The following HTR2C variants were observed in gnomAD, a reference collection of about 807,000 sequenced individuals.
HTR2C encodes 5-hydroxytryptamine (serotonin) receptor 2C, G protein-coupled.
HTR2C carries 5 observed loss-of-function variants against 21.0 expected under a neutral mutation model. The ratio of observed to expected loss-of-function variants is 0.24; its 90% CI spans 0.12 to 0.50. The LOEUF is 0.50. Among genes scored for constraint, HTR2C ranks in the 20% least tolerant of loss-of-function variants. HTR2C has a pLI of 0.98. For synonymous variants in HTR2C, 150 were observed against 145.3 expected (o/e 1.03, Z -0.23); for missense variants, 271 against 371.2 (o/e 0.73, Z 2.22).
intron 5 of HTR2C, among the ~76,000 whole-genome samples, chrX:114,901,102 C>A (rs1556485161): frequency 8.9e-6 from 1 of 111,970 alleles, no homozygotes; most frequent in Non-Finnish European, 1.9e-5. Context: ...AGTTTCTGGC[C>A]AACAATGATT....
rs189398675 is a variant in HTR2C, at chrX:114,597,547, G to A, written c.-147+12888G>A. Among the ~76,000 whole-genome samples the A allele has an allele frequency of 3.6e-5, 4 of 111,954 alleles. No homozygotes were observed. In the East Asian group the frequency reaches 8.5e-4, roughly 24 times the overall value. On this transcript the variant is annotated intron_variant, in intron 1 of 5. Transcript: ENST00000276198. ...TGAATTGGAGCTTGAGGACAAGTAG[G>A]GTTTGAATTGACACAGAAGGACAAT...
chrX:114,589,602 G>T, intron 1 of HTR2C: 1 of 168,464 alleles, frequency 5.9e-6, no homozygotes, highest in South Asian at 1.3e-4. Flanking sequence ...TTTCCGTACC[G>T]ATAGTGCTCC....
chrX:114,611,329 A>G lies in HTR2C; in HGVS notation c.-146-2486A>G, dbSNP rs181656656. The stretch of plus-strand genomic sequence containing the variant: ...GGAGCTTCGACGGGCATAACAGGTC[A>G]TTAATGTGTATTGAGATGATCTCAT... On this transcript the variant is annotated intron_variant, in intron 1 of 5. Transcript: ENST00000276198. 3.2e-4 allele frequency among the ~76,000 whole-genome samples: 36 copies of G among 111,871 alleles called. No homozygotes were observed. The East Asian group carries it at 4.5e-3, about 14-fold the overall frequency.
intron 2 of HTR2C, 125 bp from the exon 3 acceptor site, chrX:114,726,733 C>A: frequency 2.5e-5 from 9 of 356,921 alleles, no homozygotes; most frequent in Middle Eastern, 6.5e-4. Flanking sequence ...AACATGCTTA[C>A]CTGTTTGCTG....
intron 3 of HTR2C, among the ~76,000 whole-genome samples, chrX:114,727,950 T>C (rs1467359937): frequency 4.5e-5 from 5 of 111,529 alleles, no homozygotes; most frequent in Non-Finnish European, 9.4e-5. Flanking sequence ...GGACAAGTGT[T>C]CCTGCTCCAT....
chrX:114,601,458 C>T (rs1928085464), intron 1 of HTR2C, among the ~76,000 whole-genome samples: 1 of 103,245 alleles, frequency 9.7e-6, no homozygotes. Flanking sequence ...TGTTCTCTGG[C>T]GGGCAGGAGT....
In HTR2C at chrX:114,791,439, A is replaced by C. The variant is rs887476173; in HGVS notation, c.350-56564A>C. The stretch of plus-strand genomic sequence containing the variant: ...TTATTACTTTAAGAAGAGATAATCC[A>C]TTGCATTGGTATGAGGGAGAGGGAG... On this transcript the variant is annotated intron_variant, in intron 4 of 5. Transcript: ENST00000276198. Among the ~76,000 whole-genome samples the C allele has an allele frequency of 4.5e-5, 5 of 111,882 alleles. No homozygotes were observed. In the East Asian group the frequency reaches 1.4e-3, roughly 31 times the overall value.
At chrX:114,806,620 ATATATATACCATATATACAC>A (rs1718624562) in intron 4 of HTR2C, among the ~76,000 whole-genome samples, 1 of 97,549 alleles carries the variant, frequency 1.0e-5, no homozygotes, top group South Asian at 4.7e-4. Flanking sequence ...TATATACACC[ATATATATACCATATATACAC>A]TATATATACC....
intron 4 of HTR2C, among the ~76,000 whole-genome samples, chrX:114,843,464 G>C (rs1556466238): frequency 9.0e-6 from 1 of 111,201 alleles, no homozygotes; most frequent in Non-Finnish European, 1.9e-5. Flanking sequence ...AAATAAAAAT[G>C]AACAATGCCT....
rs1602710326 is a variant in HTR2C at position 114,715,147 on chromosome X, A to C, written c.-79-11711A>C. On this transcript the variant is annotated intron_variant, in intron 2 of 5. Coordinates refer to ENST00000276198, the MANE Select transcript of HTR2C (RefSeq NM_000868.4). ...GATGAGACAGCAAAACCAGAAACTG[A>C]CCCTTCAACTTTGAAGTAGCTTTTT... The C allele has an allele frequency of 6.7e-5, 17 of 252,539 alleles. No homozygotes were observed. The South Asian group carries it at 7.1e-4, about 11-fold the overall frequency. 20.8% of individuals were successfully genotyped at this position (252,539 alleles called of 1,213,427 possible). A position where few individuals can be genotyped will look rare whatever the true frequency, so the allele number is the denominator to read the frequency against.
In HTR2C at chrX:114,904,748, C is replaced by T. The variant is rs782138232; in HGVS notation, c.551-1841C>T. Among the ~76,000 whole-genome samples the T allele has an allele frequency of 2.5e-3, 281 of 111,013 alleles. 1 individual carries two copies. The highest frequency in any genetic ancestry group is 8.8e-3 in the African/African-American group (268 of 30,578). ...TATATTAACTTTCTGCAGACTAATC[C>T]GTCACTAAAATATGTTATTAAGGTT... On this transcript the variant is annotated intron_variant, in intron 5 of 5. Transcript: ENST00000276198.
intron 5 of HTR2C, among the ~76,000 whole-genome samples, chrX:114,898,107 CATG>C (rs1350188931): frequency 1.8e-5 from 2 of 112,582 alleles, no homozygotes; most frequent in Non-Finnish European, 3.8e-5. Context: ...TTCTGGCTGA[CATG>C]AGATGATATC....
At chrX:114,731,696 G>C (rs2069539321) in intron 4 of HTR2C, 89 bp downstream of exon 4, 2 of 705,444 alleles carry the variant, frequency 2.8e-6, no homozygotes, top group Admixed American at 6.9e-5. Flanking sequence ...TATTTTACTT[G>C]TAACATTTGG....
intron 1 of HTR2C, among the ~76,000 whole-genome samples, chrX:114,603,536 G>C (rs1392217161): frequency 5.1e-4 from 54 of 105,029 alleles, no homozygotes; most frequent in African/African-American, 1.5e-3. Flanking sequence ...AAGGTGCTGG[G>C]GTTTGAGAGA....
chrX:114,780,163 T>A (rs2070102717), intron 4 of HTR2C, among the ~76,000 whole-genome samples: 1 of 111,698 alleles, frequency 9.0e-6, no homozygotes, highest in Non-Finnish European at 1.9e-5. Context: ...GCAAATATTA[T>A]GTTATTTTAT....
Position 114,731,613 on chromosome X carries a change from T to C in HTR2C, c.349+6T>C. On this transcript the variant is annotated splice_donor_region_variant and intron_variant, in intron 4 of 5. Transcript: ENST00000276198. ...TCTCCTGGCAATCCTTTATGGTAAGTACAATTTTATTCACTTTTCAATCTC... is the reference window on the plus strand; with the variant it reads ...TCTCCTGGCAATCCTTTATGGTAAGCACAATTTTATTCACTTTTCAATCTC... 1 of 1,132,689 alleles carries C rather than the reference T, an allele frequency of 8.8e-7. No homozygotes were observed. The highest frequency in any genetic ancestry group is 1.2e-6 in the Non-Finnish European group (1 of 833,455). The allele number at this position is 1,132,689 out of a possible 1,213,427, so 93.3% of individuals were successfully genotyped here.
intron 4 of HTR2C, chrX:114,775,707 G>T: frequency 4.8e-6 from 3 of 622,197 alleles, no homozygotes; most frequent in Non-Finnish European, 7.5e-6. Context: ...CTCTTATTCA[G>T]TTCTTTTCTA....
intron 2 of HTR2C, among the ~76,000 whole-genome samples, chrX:114,680,797 G>A (rs1284878745): frequency 2.7e-5 from 3 of 111,417 alleles, no homozygotes; most frequent in Non-Finnish European, 5.7e-5. Flanking sequence ...ATATTTTAGG[G>A]TGGCATATTC....
At chrX:114,757,345 A>G (rs1334157062) in intron 4 of HTR2C, among the ~76,000 whole-genome samples, 4 of 111,614 alleles carry the variant, frequency 3.6e-5, no homozygotes, top group African/African-American at 1.3e-4. Flanking sequence ...TTTCAATCAC[A>G]TCTCACATAT....
Sources: gnomAD v4.1 joint callset for allele counts (sites outside exome capture counted in the v4.1 genomes callset) on GRCh38, gnomAD v4.1.1 for gene constraint, MANE v1.5 for transcripts, NCBI Gene and HGNC (gene_info 2026-07-23, HGNC 2026-07-21) for gene names.